CDK14: variants seen among roughly 807,000 people sequenced by gnomAD.
The protein encoded by CDK14 is cyclin dependent kinase 14, also known as cyclin-dependent kinase 14.
CDK14 carries 34 observed loss-of-function variants against 60.7 expected under a neutral mutation model. The ratio of observed to expected loss-of-function variants is 0.56; its 90% CI spans 0.43 to 0.75. The LOEUF (loss-of-function observed/expected upper bound fraction) is 0.75, where lower values mean the gene tolerates loss of function less well. CDK14 is among the 30% of genes least tolerant of loss of function. CDK14 has a pLI of 0.00. For synonymous variants in CDK14, 197 were observed against 203.7 expected (o/e 0.97, Z 0.28); for missense variants, 482 against 564.1 (o/e 0.85, Z 1.47).
At chr7:90,821,915 C>T (rs1789563901) in intron 5 of CDK14, among the ~76,000 whole-genome samples, 1 of 152,184 alleles carries the variant, frequency 6.6e-6, no homozygotes, top group Admixed American at 6.6e-5. Context: ...ACTCATTGTC[C>T]ATGCTGTACC....
intron 2 of CDK14, chr7:90,726,356 T>C: frequency 7.5e-7 from 1 of 1,330,100 alleles, no homozygotes; most frequent in Non-Finnish European, 9.7e-7. Context: ...GATTTTTTAG[T>C]GTAAGCTCTA....
Position 90,794,009 on chromosome 7 carries a change from C to T in CDK14, c.544+3357C>T, listed in dbSNP as rs558201883. Among the ~76,000 whole-genome samples the T allele has an allele frequency of 2.0e-3, 302 of 152,042 alleles. 1 individual carries two copies. The Middle Eastern group carries it at 0.02, about 10-fold the overall frequency. ...GTCCTTTTCTATTTTTCCTAAGTGT[C>T]GGATGGTCTGAGAAATAAAGGGAAA... is the stretch of plus-strand genomic sequence containing the variant. On this transcript the variant is annotated intron_variant, in intron 5 of 14. Coordinates refer to ENST00000380050, the MANE Select transcript of CDK14 (RefSeq NM_001287135.2).
chr7:90,782,630 T>C (rs1292571104), intron 4 of CDK14, among the ~76,000 whole-genome samples: 1 of 152,126 alleles, frequency 6.6e-6, no homozygotes, highest in African/African-American at 2.4e-5. Context: ...GACTTGTCTA[T>C]ATTGTTTATC....
intron 2 of CDK14, among the ~76,000 whole-genome samples, chr7:90,637,710 G>C (rs1322497702): frequency 8.3e-5 from 12 of 144,096 alleles, no homozygotes; most frequent in Non-Finnish European, 1.7e-4. Context: ...CTGTCTCGTT[G>C]ATCTGTCTAA....
chr7:91,184,239 C>T (rs1243538814), intron 14 of CDK14, among the ~76,000 whole-genome samples: 1 of 98,542 alleles, frequency 1.0e-5, no homozygotes, highest in East Asian at 2.9e-4. Flanking sequence ...GCTGATTGCG[C>T]CACCGCCGCA....
chr7:90,709,435 C>T, intron 2 of CDK14: 1 of 1,482,374 alleles, frequency 6.7e-7, no homozygotes, highest in Non-Finnish European at 9.0e-7. Context: ...CCTATGCAAT[C>T]ACCATTAGCT....
At chr7:90,729,440 T>A (rs1802776204) in intron 3 of CDK14, among the ~76,000 whole-genome samples, 1 of 148,930 alleles carries the variant, frequency 6.7e-6, no homozygotes, top group African/African-American at 2.5e-5. Flanking sequence ...TATTTCTATC[T>A]CGTCTCTAGT....
rs999324328 is a variant in CDK14, at chr7:90,613,692, TA to T, written c.123+9453del. Among the ~76,000 whole-genome samples the T allele has an allele frequency of 7.0e-3, 1,026 of 147,340 alleles. 16 individuals are homozygous for T. Among genetic ancestry groups the T allele is most frequent in the African/African-American group, 0.025 (987 of 40,260 alleles). Reference sequence around the variant, plus strand: ...ACAGAGCGAGACTCTGTCTCAAAAATAAAAAAAAAATAAAAAAAGACGCTGA... The same window carrying T: ...ACAGAGCGAGACTCTGTCTCAAAAATAAAAAAAAATAAAAAAAGACGCTGA... On this transcript the variant is annotated intron_variant, in intron 2 of 14. Transcript: ENST00000380050.
intron 6 of CDK14, among the ~76,000 whole-genome samples, chr7:90,889,337 C>T (rs1792044336): frequency 6.6e-6 from 1 of 152,102 alleles, no homozygotes; most frequent in African/African-American, 2.4e-5. Flanking sequence ...TTGCCAGAAG[C>T]CAAATAGTAA....
intron 2 of CDK14, among the ~76,000 whole-genome samples, chr7:90,638,188 T>G (rs1435899382): frequency 6.6e-6 from 1 of 152,140 alleles, no homozygotes; most frequent in Admixed American, 6.5e-5. Context: ...GTTAGCTGGT[T>G]ATTTTGCTCG....
At position 91,204,848 on chromosome 7, in the gene CDK14, G is replaced by C. The variant is rs543595477; in HGVS notation, c.*29-2317G>C. On this transcript the variant is annotated intron_variant, in intron 14 of 14. Coordinates refer to ENST00000380050, the MANE Select transcript of CDK14 (RefSeq NM_001287135.2). ...TGTAGTCCCAGCTACTTGGGAGGCT[G>C]TGGTGGGAGGATCAGCTGAGCCCAG... Among the ~76,000 whole-genome samples the C allele has an allele frequency of 2.0e-5, 3 of 152,172 alleles. No individual in the cohort carries two copies. In the South Asian group the frequency reaches 6.2e-4, roughly 32 times the overall value.
chr7:90,692,664 G>A (rs1220254649), intron 2 of CDK14: 1 of 979,678 alleles, frequency 1.0e-6, no homozygotes, highest in African/African-American at 1.8e-5. Context: ...GGGTCTTCCT[G>A]TTCTCTGCTT....
chr7:91,176,565 G>A (rs549008018), intron 14 of CDK14, among the ~76,000 whole-genome samples: 1 of 151,998 alleles, frequency 6.6e-6, no homozygotes, highest in South Asian at 2.1e-4. Flanking sequence ...CTGCTAGCAA[G>A]ACTAATAAAG....
intron 6 of CDK14, among the ~76,000 whole-genome samples, chr7:90,883,798 A>C (rs2374371): frequency 0.57 from 86,168 of 152,074 alleles, 24,673 homozygotes; most frequent in East Asian, 0.73. Flanking sequence ...GCAAATCAAT[A>C]AATGTAATCC....
intron 5 of CDK14, among the ~76,000 whole-genome samples, chr7:90,803,440 T>C (rs975458273): frequency 6.6e-6 from 1 of 152,138 alleles, no homozygotes; most frequent in African/African-American, 2.4e-5. Context: ...TGGAAGGGAC[T>C]TAAGAGGGAC....
intron 14 of CDK14, among the ~76,000 whole-genome samples, chr7:91,120,893 C>T (rs768630817): frequency 2.1e-3 from 325 of 152,208 alleles, no homozygotes; most frequent in Non-Finnish European, 3.6e-3. Context: ...AATGCCTCAG[C>T]ATGATTCAAT....
At chr7:91,011,627 T>G (rs748454602) in intron 10 of CDK14, among the ~76,000 whole-genome samples, 12 of 152,136 alleles carry the variant, frequency 7.9e-5, no homozygotes, top group Non-Finnish European at 1.6e-4. Context: ...CTGATTCTGT[T>G]TTCTTTTTTC....
chr7:90,913,422 C>T (rs1222722245), intron 7 of CDK14, among the ~76,000 whole-genome samples: 1 of 152,122 alleles, frequency 6.6e-6, no homozygotes, highest in Non-Finnish European at 1.5e-5. Context: ...TCTAAAAGTT[C>T]ATAGAAAAAT....
chr7:90,976,925 C>A (rs141323084), intron 9 of CDK14, among the ~76,000 whole-genome samples: 1 of 152,164 alleles, frequency 6.6e-6, no homozygotes, highest in African/African-American at 2.4e-5. Flanking sequence ...TGTACAGAAG[C>A]TTTTAGTGTA....
Sources: gnomAD v4.1 joint callset for allele counts (sites outside exome capture counted in the v4.1 genomes callset) on GRCh38, gnomAD v4.1.1 for gene constraint, MANE v1.5 for transcripts, NCBI Gene and HGNC (gene_info 2026-07-23, HGNC 2026-07-21) for gene names.